Variants in SMARCAD1 observed in about 807,000 individuals in gnomAD.
SMARCAD1 encodes SNF2 related chromatin remodeling ATPase with DExD box 1.
In SMARCAD1, 25 loss-of-function variants were observed where a neutral mutation model predicts 127.1. The observed-to-expected ratio is 0.20, with a 90% CI of 0.14 to 0.27. The LOEUF (loss-of-function observed/expected upper bound fraction) is 0.27. Among genes scored for constraint, SMARCAD1 ranks in the 10% least tolerant of loss-of-function variants. The pLI, the probability that SMARCAD1 is intolerant of heterozygous loss-of-function variation, is 1.00. For missense variants in SMARCAD1, 807 were observed against 1,206.0 expected (o/e 0.67, Z 4.90); for synonymous variants, 400 against 396.9 (o/e 1.01, Z -0.09).
At chr4:94,227,436 C>T (rs1349112159) in intron 3 of SMARCAD1, among the ~76,000 whole-genome samples, 2 of 152,078 alleles carry the variant, frequency 1.3e-5, no homozygotes, top group Admixed American at 6.5e-5. Flanking sequence ...GTTGTAATAA[C>T]CCATCAAAAA....
chr4:94,250,104 C>T (rs71601211), intron 7 of SMARCAD1, among the ~76,000 whole-genome samples: 2,568 of 151,710 alleles, frequency 0.017, 30 homozygotes, highest in Non-Finnish European at 0.027. Context: ...AAATTTCTTA[C>T]AAGAATTTAA....
chr4:94,278,332 T>TTA, intron 16 of SMARCAD1, 90 bp from the exon 17 acceptor site: 1 of 1,128,952 alleles, frequency 8.9e-7, no homozygotes, highest in Non-Finnish European at 1.3e-6. Flanking sequence ...CAGACTCTAA[T>TTA]GAGGGAGATT....
chr4:94,268,788 A>G (rs1300731427), intron 10 of SMARCAD1, among the ~76,000 whole-genome samples: 2 of 152,224 alleles, frequency 1.3e-5, no homozygotes, highest in African/African-American at 4.8e-5. Flanking sequence ...TTTAATATGG[A>G]TTAAATGAAA....
In SMARCAD1 at chr4:94,252,860, A is replaced by G; in HGVS notation, c.1134A>G (p.Glu378=). Residue 378 remains glutamate (E), a synonymous_variant, in exon 9 of 24, where the codon GAA becomes GAG. Coordinates refer to ENST00000354268, the MANE Select transcript of SMARCAD1 (RefSeq NM_020159.5). The stretch of plus-strand genomic sequence containing the variant: ...TAGATGAGGACTATAGTAGTGGTGA[A>G]GAAGTGATGGAGGATGGCTATAAAG... The part of the protein sequence containing the change: ...SSLDEDYSSG[E]EVMEDGYKGK... The G allele has an allele frequency of 6.2e-7, 1 of 1,614,126 alleles. No individual in the cohort carries two copies. The highest frequency in any genetic ancestry group is 8.5e-7 in the Non-Finnish European group (1 of 1,180,000).
At chr4:94,221,504 A>C (rs1163257986) in intron 2 of SMARCAD1, among the ~76,000 whole-genome samples, 1 of 152,224 alleles carries the variant, frequency 6.6e-6, no homozygotes, top group Non-Finnish European at 1.5e-5. Context: ...CTCCAACTAC[A>C]TAACTTTGTG....
chr4:94,277,260 C>T (rs1753436086), intron 16 of SMARCAD1, 101 bp downstream of exon 16: 3 of 1,343,330 alleles, frequency 2.2e-6, no homozygotes, highest in East Asian at 4.6e-5. Context: ...TGCATATGCT[C>T]TATGAAGTAA....
At chr4:94,261,133 T>C (rs1750910809) in intron 9 of SMARCAD1, among the ~76,000 whole-genome samples, 2 of 152,140 alleles carry the variant, frequency 1.3e-5, no homozygotes, top group South Asian at 4.1e-4. Context: ...CTATATTCTT[T>C]TTTAAGTGAA....
At chr4:94,268,059 A>G (rs1396030356) in intron 10 of SMARCAD1, among the ~76,000 whole-genome samples, 1 of 152,146 alleles carries the variant, frequency 6.6e-6, no homozygotes. Flanking sequence ...CAGTTCCGTG[A>G]TAGTAAGCAA....
At chr4:94,222,899 G>T (rs1744369384) in intron 2 of SMARCAD1, among the ~76,000 whole-genome samples, 1 of 152,150 alleles carries the variant, frequency 6.6e-6, no homozygotes, top group Non-Finnish European at 1.5e-5. Context: ...GGGAGGCGGA[G>T]GTTGCAGGGA....
chr4:94,282,793 A>G (rs1437285729), intron 21 of SMARCAD1, among the ~76,000 whole-genome samples: 2 of 152,162 alleles, frequency 1.3e-5, no homozygotes, highest in Non-Finnish European at 2.9e-5. Context: ...AGGAGCCGAT[A>G]TACTTCTGAG....
Position 94,291,139 on chromosome 4 carries a change from G to A in SMARCAD1, c.*1605G>A. 2.2e-6 allele frequency: 1 copy of A among 452,202 alleles called. No individual in the cohort carries two copies. Among genetic ancestry groups the A allele is most frequent in the Non-Finnish European group, 4.4e-6 (1 of 226,324 alleles). 28.0% of individuals were successfully genotyped at this position (452,202 alleles called of 1,614,324 possible). On this transcript the variant is annotated 3_prime_UTR_variant, in exon 24 of 24. Coordinates refer to ENST00000354268, the MANE Select transcript of SMARCAD1 (RefSeq NM_020159.5). The stretch of plus-strand genomic sequence containing the variant: ...TCATAATGGATATCTCATGTTTTCT[G>A]TATTAATGTATTTTCAATGATAGGC...
intron 2 of SMARCAD1, among the ~76,000 whole-genome samples, chr4:94,222,656 A>G (rs1744325273): frequency 1.3e-5 from 2 of 152,156 alleles, no homozygotes; most frequent in Admixed American, 1.3e-4. Context: ...AACTAAGCAT[A>G]TTAAAGGTTA....
intron 6 of SMARCAD1, among the ~76,000 whole-genome samples, chr4:94,245,116 C>A (rs973139707): frequency 1.3e-5 from 2 of 152,092 alleles, no homozygotes; most frequent in African/African-American, 4.8e-5. Context: ...TTTGATACTT[C>A]AGAGAAATTT....
intron 2 of SMARCAD1, among the ~76,000 whole-genome samples, chr4:94,210,929 CA>C (rs747690168): frequency 3.1e-3 from 174 of 57,024 alleles, no homozygotes; most frequent in South Asian, 0.02. Context: ...GACTGTATCT[CA>C]AAAAAAAAAA....
At chr4:94,236,424 A>T (rs545080334) in intron 4 of SMARCAD1, among the ~76,000 whole-genome samples, 4 of 152,304 alleles carry the variant, frequency 2.6e-5, no homozygotes, top group African/African-American at 9.6e-5. Flanking sequence ...TCAGAAATAG[A>T]GTAAAAATTA....
At chr4:94,217,588 G>A (rs1743398509) in intron 2 of SMARCAD1, among the ~76,000 whole-genome samples, 2 of 152,048 alleles carry the variant, frequency 1.3e-5, no homozygotes, top group Admixed American at 1.3e-4. Flanking sequence ...ACTGTTTTGT[G>A]ACCAGAGAAT....
intron 5 of SMARCAD1, among the ~76,000 whole-genome samples, chr4:94,239,941 GT>G (rs1354287347): frequency 6.6e-6 from 1 of 152,024 alleles, no homozygotes. Flanking sequence ...TGGTTTGAAG[GT>G]TTTTTTCAGA....
At chr4:94,208,208 CAAT>C (rs1283015722) in intron 1 of SMARCAD1, 135 bp from the exon 2 acceptor site, 6 of 728,032 alleles carry the variant, frequency 8.2e-6, no homozygotes, top group African/African-American at 3.5e-5. Context: ...TGCGGCCTAA[CAAT>C]GAAGCGCAGC....
rs993238504 is a variant in SMARCAD1 at position 94,290,971 on chromosome 4, G to A, written c.*1437G>A. The A allele has an allele frequency of 2.2e-6, 1 of 450,512 alleles. No homozygotes were observed. Among genetic ancestry groups the A allele is most frequent in the Non-Finnish European group, 4.4e-6 (1 of 225,768 alleles). 27.9% of individuals were successfully genotyped at this position (450,512 alleles called of 1,614,324 possible). ...ACTGAGAACTCACGGCTTAACCCCA[G>A]TCTTGATGGTATATTGAACAGACTG... On this transcript the variant is annotated 3_prime_UTR_variant, in exon 24 of 24. Coordinates refer to ENST00000354268, the MANE Select transcript of SMARCAD1 (RefSeq NM_020159.5).
Sources: gnomAD v4.1 joint callset for allele counts (sites outside exome capture counted in the v4.1 genomes callset) on GRCh38, gnomAD v4.1.1 for gene constraint, MANE v1.5 for transcripts, NCBI Gene and HGNC (gene_info 2026-07-23, HGNC 2026-07-21) for gene names.